Variants in MCTP1 observed in about 807,000 individuals in gnomAD.
MCTP1 encodes the protein multiple C2 and transmembrane domain containing 1, also known as multiple C2 and transmembrane domain-containing protein 1.
A neutral mutation model predicts 120.6 loss-of-function variants in MCTP1; 69 were observed. The ratio of observed to expected loss-of-function variants is 0.57; its 90% CI spans 0.47 to 0.70. The LOEUF (loss-of-function observed/expected upper bound fraction) is 0.70, where lower values mean the gene tolerates loss of function less well. MCTP1 is among the 30% of genes least tolerant of loss of function. The pLI is 0.00. For synonymous variants in MCTP1, 529 were observed against 493.1 expected (o/e 1.07, Z -0.96); for missense variants, 1,203 against 1,248.8 (o/e 0.96, Z 0.55).
At chr5:95,161,648 C>T (rs1745756892) in intron 1 of MCTP1, among the ~76,000 whole-genome samples, 1 of 151,966 alleles carries the variant, frequency 6.6e-6, no homozygotes, top group African/African-American at 2.4e-5. Context: ...TTAATCATTC[C>T]ACATTGTAAA....
intron 2 of MCTP1, among the ~76,000 whole-genome samples, chr5:94,998,603 C>T (rs529974905): frequency 6.6e-6 from 1 of 152,282 alleles, no homozygotes; most frequent in African/African-American, 2.4e-5. Context: ...TTGCCAACAG[C>T]ACTGACTGGG....
chr5:94,908,073 A>T (rs1212844432), intron 10 of MCTP1, among the ~76,000 whole-genome samples: 1 of 152,122 alleles, frequency 6.6e-6, no homozygotes, highest in Non-Finnish European at 1.5e-5. Context: ...TGAGGGAGAC[A>T]GAATCTTAGA....
chr5:94,956,918 C>A (rs1822778701), intron 2 of MCTP1, among the ~76,000 whole-genome samples: 1 of 152,096 alleles, frequency 6.6e-6, no homozygotes, highest in African/African-American at 2.4e-5. Flanking sequence ...ACAGAAAACA[C>A]CACAAAGATA....
At chr5:94,876,354 G>T (rs922178644) in intron 12 of MCTP1, among the ~76,000 whole-genome samples, 2 of 152,026 alleles carry the variant, frequency 1.3e-5, no homozygotes, top group African/African-American at 4.8e-5. Flanking sequence ...TACCTGGGTT[G>T]TGGGGTTGAT....
At chr5:95,059,485 G>A (rs1400840837) in intron 1 of MCTP1, among the ~76,000 whole-genome samples, 1 of 151,688 alleles carries the variant, frequency 6.6e-6, no homozygotes, top group East Asian at 1.9e-4. Context: ...CTAGGTAATG[G>A]GATTATTTGT....
chr5:95,229,722 C>G (rs990342772), intron 1 of MCTP1, among the ~76,000 whole-genome samples: 4 of 146,026 alleles, frequency 2.7e-5, no homozygotes, highest in African/African-American at 1.0e-4. Context: ...GCCTGGGTGA[C>G]AGAATGAGAC....
chr5:95,197,178 A>C (rs1750490229), intron 1 of MCTP1, among the ~76,000 whole-genome samples: 2 of 152,230 alleles, frequency 1.3e-5, no homozygotes, highest in Admixed American at 1.3e-4. Flanking sequence ...ACAGGGCTAC[A>C]GTTTGTCACT....
chr5:95,058,874 C>A (rs1452530191), intron 1 of MCTP1, among the ~76,000 whole-genome samples: 7 of 152,130 alleles, frequency 4.6e-5, no homozygotes, highest in Non-Finnish European at 7.4e-5. Context: ...ATCCACAATT[C>A]CTTGACTCCA....
Position 95,263,617 on chromosome 5 carries a change from G to T in MCTP1, c.720+20239C>A, listed in dbSNP as rs113197621. 6.5e-3 allele frequency among the ~76,000 whole-genome samples: 991 copies of T among 152,290 alleles called. 7 individuals are homozygous for T. The highest frequency in any genetic ancestry group is 0.023 in the African/African-American group (962 of 41,550). On this transcript the variant is annotated intron_variant, in intron 1 of 22. Transcript: ENST00000515393. ...ATGGTCATTCCTGAAGGCTCCAAGA[G>T]ACACCAGTATAACTTTTAAAGATAC...
intron 1 of MCTP1, among the ~76,000 whole-genome samples, chr5:95,168,795 G>C (rs951069204): frequency 1.3e-5 from 2 of 152,212 alleles, no homozygotes; most frequent in Admixed American, 1.3e-4. Context: ...AGGAGATTTT[G>C]GGCTGAGACA....
At chr5:95,193,669 A>C (rs1249974686) in intron 1 of MCTP1, among the ~76,000 whole-genome samples, 1 of 152,178 alleles carries the variant, frequency 6.6e-6, no homozygotes, top group East Asian at 1.9e-4. Context: ...AGGAGCATAC[A>C]AGTAGAGAAT....
intron 1 of MCTP1, among the ~76,000 whole-genome samples, chr5:95,071,084 G>C (rs1752026144): frequency 6.6e-6 from 1 of 152,188 alleles, no homozygotes; most frequent in Non-Finnish European, 1.5e-5. Flanking sequence ...TCCCTGGAGA[G>C]AAATGTTGAA....
At chr5:94,751,775 C>A (rs1436257000) in intron 19 of MCTP1, among the ~76,000 whole-genome samples, 1 of 152,244 alleles carries the variant, frequency 6.6e-6, no homozygotes, top group South Asian at 2.1e-4. Flanking sequence ...AGCTGAATCA[C>A]TTAATGACTT....
intron 17 of MCTP1, among the ~76,000 whole-genome samples, chr5:94,851,959 A>C (rs1350831963): frequency 6.6e-6 from 1 of 151,910 alleles, no homozygotes; most frequent in Non-Finnish European, 1.5e-5. Context: ...TTAATTGTAC[A>C]TATCATAATA....
At chr5:94,995,899 A>T (rs1448111706) in intron 2 of MCTP1, among the ~76,000 whole-genome samples, 1 of 152,212 alleles carries the variant, frequency 6.6e-6, no homozygotes, top group African/African-American at 2.4e-5. Context: ...AAGATATGCT[A>T]ACAGCCTGCC....
intron 19 of MCTP1, among the ~76,000 whole-genome samples, chr5:94,730,529 G>C (rs186708684): frequency 2.7e-4 from 41 of 152,282 alleles, no homozygotes; most frequent in Admixed American, 2.6e-3. Flanking sequence ...TTGTGTTTGG[G>C]CTGTGAAAAA....
At chr5:94,983,898 G>A (rs1829985787) in intron 2 of MCTP1, among the ~76,000 whole-genome samples, 1 of 152,092 alleles carries the variant, frequency 6.6e-6, no homozygotes, top group Admixed American at 6.6e-5. Context: ...TGGAAGAAGG[G>A]GCAAATGGAT....
chr5:94,980,215 T>G (rs1436505760), intron 2 of MCTP1, among the ~76,000 whole-genome samples: 1 of 152,164 alleles, frequency 6.6e-6, no homozygotes, highest in Non-Finnish European at 1.5e-5. Flanking sequence ...CCCCCTACTT[T>G]AACAACAGCA....
At chr5:95,090,155 C>G (rs967179961) in intron 1 of MCTP1, among the ~76,000 whole-genome samples, 1 of 152,176 alleles carries the variant, frequency 6.6e-6, no homozygotes, top group Non-Finnish European at 1.5e-5. Context: ...ATCGGACAAC[C>G]TAGGCATAAA....
Sources: allele counts gnomAD v4.1 joint callset (sites outside exome capture counted in the v4.1 genomes callset), GRCh38; gene constraint gnomAD v4.1.1; transcripts MANE v1.5; gene names NCBI Gene and HGNC (gene_info 2026-07-23, HGNC 2026-07-21).